Variants in DST observed in about 807,000 individuals in gnomAD.
DST encodes dystonin, also known as bullous pemphigoid antigen.
DST carries 253 observed loss-of-function variants against 875.2 expected under a neutral mutation model. The ratio of observed to expected loss-of-function variants is 0.29; its 90% CI spans 0.26 to 0.32. The LOEUF (loss-of-function observed/expected upper bound fraction) is 0.32. Among genes scored for constraint, DST ranks in the 10% least tolerant of loss-of-function variants. DST has a pLI of 1.00. For synonymous variants in DST, 3,124 were observed against 3,197.1 expected (o/e 0.98, Z 0.77); for missense variants, 8,287 against 9,111.6 (o/e 0.91, Z 3.68).
In DST at chr6:56,459,237, C is replaced by G; in HGVS notation, c.23225G>C (p.Ser7742Thr). The G allele has an allele frequency of 6.2e-7, 1 of 1,613,094 alleles. No individual in the cohort carries two copies. The highest frequency in any genetic ancestry group is 8.5e-7 in the Non-Finnish European group (1 of 1,179,502). Residue 7742 changes from serine to threonine, a missense_variant, in exon 104 of 104, where the codon AGT becomes ACT. By Grantham distance (58) the Ser-to-Thr change is moderately conservative. This residue lies in a region of DST where 240 missense variants were observed against 237.3 expected (regional missense o/e 1.01). Transcript: ENST00000680361. ...GCTGCCAGCTTTGCTTCCAGCTCGA[C>G]TTCCTGGTCGGCTGGGAGTCTTCTT... is the stretch of plus-strand genomic sequence containing the variant. ...DSKKTPSRPG[S>T]RAGSKAGSRA... is the part of the protein sequence containing the mutation.
At chr6:56,675,506 T>C (rs892322556) in intron 9 of DST, among the ~76,000 whole-genome samples, 2 of 152,194 alleles carry the variant, frequency 1.3e-5, no homozygotes, top group Admixed American at 6.5e-5. Context: ...ATTCATCTTA[T>C]AACGAGTTAA....
At chr6:56,558,769 C>T (rs78530109) in intron 58 of DST, among the ~76,000 whole-genome samples, 17 of 152,260 alleles carry the variant, frequency 1.1e-4, no homozygotes, top group Admixed American at 6.5e-4. Context: ...TACTCTGAGA[C>T]GATCCTCTAA....
chr6:56,735,883 C>G (rs1409546323), intron 4 of DST, among the ~76,000 whole-genome samples: 2 of 152,008 alleles, frequency 1.3e-5, no homozygotes, highest in Non-Finnish European at 2.9e-5. Flanking sequence ...TATGGAATCT[C>G]ACTCTGTCAC....
chr6:56,573,916 C>A, intron 50 of DST, 29 bp from the exon 51 acceptor site: 1 of 1,535,664 alleles, frequency 6.5e-7, no homozygotes, highest in Non-Finnish European at 9.0e-7. Context: ...GAATATTAAC[C>A]ACAAAGTTCT....
At chr6:56,887,707 G>A (rs1215230374) in intron 3 of DST, among the ~76,000 whole-genome samples, 1 of 152,094 alleles carries the variant, frequency 6.6e-6, no homozygotes, top group Non-Finnish European at 1.5e-5. Flanking sequence ...AATGGCAAGA[G>A]GTCTTGCTTC....
chr6:56,721,374 T>C (rs1452036864), intron 5 of DST, among the ~76,000 whole-genome samples: 1 of 152,212 alleles, frequency 6.6e-6, no homozygotes, highest in African/African-American at 2.4e-5. Context: ...GAGATTAAAG[T>C]AAAGACAGGC....
chr6:56,911,377 C>T (rs1169435718), intron 2 of DST, among the ~76,000 whole-genome samples: 1 of 152,058 alleles, frequency 6.6e-6, no homozygotes, highest in African/African-American at 2.4e-5. Context: ...GGTCTGCAGA[C>T]CAAACTTTGA....
At position 56,640,133 on chromosome 6, in the gene DST, A is replaced by G. The variant is rs751448494; in HGVS notation, c.2490+10T>C. 32 of 1,612,642 alleles carry G rather than the reference A, an allele frequency of 2.0e-5. 1 individual carries two copies. In the Admixed American group the frequency reaches 4.0e-4, roughly 20 times the overall value. ...ACTGAAACACTCAGGTAAAGTAAAC[A>G]TTTTTTTACCTGCATCTCATCAACC... On this transcript the variant is annotated intron_variant, in intron 18 of 103. Transcript: ENST00000680361.
chr6:56,475,168 T>C (rs2095115801), intron 92 of DST, among the ~76,000 whole-genome samples: 3 of 152,072 alleles, frequency 2.0e-5, no homozygotes, highest in Middle Eastern at 3.2e-3. Context: ...CTTATTATTA[T>C]TATTTACTAG....
intron 78 of DST, 103 bp downstream of exon 78, chr6:56,503,894 C>T: frequency 1.4e-6 from 1 of 692,620 alleles, no homozygotes; most frequent in Non-Finnish European, 2.3e-6. Flanking sequence ...TATAATTAAG[C>T]TGTCATACTT....
intron 39 of DST, among the ~76,000 whole-genome samples, chr6:56,609,750 G>A (rs900865425): frequency 3.3e-5 from 5 of 152,074 alleles, no homozygotes; most frequent in African/African-American, 9.7e-5. Context: ...CCATGCTATT[G>A]ATGTTTACAG....
At chr6:56,563,960 G>A (rs1027634120) in intron 55 of DST, among the ~76,000 whole-genome samples, 3 of 152,192 alleles carry the variant, frequency 2.0e-5, no homozygotes, top group African/African-American at 4.8e-5. Context: ...CCAGTACCAT[G>A]CTGTTTTGGT....
chr6:56,791,639 G>A (rs1377121947), intron 4 of DST, among the ~76,000 whole-genome samples: 3 of 151,852 alleles, frequency 2.0e-5, no homozygotes, highest in Non-Finnish European at 4.4e-5. Context: ...TTTAAAATTA[G>A]CCAAGTGTGG....
At chr6:56,468,332 A>G (rs6927258) in intron 98 of DST, among the ~76,000 whole-genome samples, 47,857 of 152,028 alleles carry the variant, frequency 0.31, 8,209 homozygotes, top group Middle Eastern at 0.46. Flanking sequence ...TAAATATTCG[A>G]TCAAGATGGC....
At chr6:56,569,567 T>C (rs2097749298) in intron 54 of DST, among the ~76,000 whole-genome samples, 1 of 152,074 alleles carries the variant, frequency 6.6e-6, no homozygotes. Flanking sequence ...GTATAAAAAA[T>C]TACTGAAACT....
rs781112131 is a variant in DST at position 56,508,656 on chromosome 6, G to A, written c.19112C>T (p.Ala6371Val). 7 of 1,613,770 alleles carry A rather than the reference G, an allele frequency of 4.3e-6. No homozygotes were observed. Among genetic ancestry groups the A allele is most frequent in the Non-Finnish European group, 5.9e-6 (7 of 1,179,780 alleles). ...EAKLLDVMEL[A>V]EKFWCDHMSL... is the part of the protein sequence containing the mutation. ...CATGTGATCACACCAGAACTTTTCT[G>A]CTAGCTCCATCACATCCAGTAGTTT... Residue 6371 changes from alanine (A) to valine (V), a missense_variant, in exon 75 of 104, where the codon GCA becomes GTA. Ala to Val is a moderately conservative substitution (Grantham distance 64, BLOSUM62 0). Around this residue, in one of 10 missense-constraint regions of DST, gnomAD observed 1,292 missense variants for 1,552.7 expected, o/e 0.83. Coordinates refer to ENST00000680361, the MANE Select transcript of DST (RefSeq NM_001374736.1).
At chr6:56,765,167 C>G (rs1458882154) in intron 4 of DST, among the ~76,000 whole-genome samples, 1 of 152,142 alleles carries the variant, frequency 6.6e-6, no homozygotes, top group African/African-American at 2.4e-5. Context: ...GACCCCATAA[C>G]CTGTAGATTC....
intron 4 of DST, among the ~76,000 whole-genome samples, chr6:56,768,077 A>T (rs566085554): frequency 1.3e-5 from 2 of 152,308 alleles, no homozygotes; most frequent in Non-Finnish European, 2.9e-5. Flanking sequence ...TTCTCACTAA[A>T]ATAGGAAGCC....
chr6:56,701,509 A>G (rs532660215), intron 8 of DST, among the ~76,000 whole-genome samples: 2 of 148,826 alleles, frequency 1.3e-5, no homozygotes, highest in African/African-American at 5.2e-5. Context: ...AACTATTTTT[A>G]TATACTAAGT....
Sources: gnomAD v4.1 joint callset for allele counts (sites outside exome capture counted in the v4.1 genomes callset) on GRCh38, gnomAD v4.1.1 for gene constraint, gnomAD v4.1.1 regional missense constraint, MANE v1.5 for transcripts, NCBI Gene and HGNC (gene_info 2026-07-23, HGNC 2026-07-21) for gene names.